Variants in ANAPC1 observed in about 807,000 individuals in gnomAD.
The protein encoded by ANAPC1 is anaphase-promoting complex subunit 1.
In ANAPC1, 36 loss-of-function variants were observed where a neutral mutation model predicts 208.0. The observed-to-expected ratio is 0.17, with a 90% confidence interval of 0.13 to 0.23. The LOEUF (loss-of-function observed/expected upper bound fraction) is 0.23. ANAPC1 is among the 10% of genes least tolerant of loss of function. ANAPC1 has a pLI of 1.00. For missense variants in ANAPC1, 942 were observed against 2,011.6 expected, an observed-to-expected ratio of 0.47 and a Z score of 10.17; for synonymous variants, 378 against 695.2, an observed-to-expected ratio of 0.54 and a Z score of 7.18.
At chr2:111,866,678 C>T (rs546297641) in intron 7 of ANAPC1, among the ~76,000 whole-genome samples, 111 of 148,936 alleles carry the variant, frequency 7.5e-4, no homozygotes, top group South Asian at 3.8e-3. Context: ...GAGCCGAGAT[C>T]GTGCCATTGC....
intron 13 of ANAPC1, 101 bp downstream of exon 13, chr2:111,856,513 A>C: frequency 8.5e-7 from 1 of 1,180,906 alleles, no homozygotes. Context: ...TGCAGACAGG[A>C]ACATAACAAA....
At chr2:111,869,177 C>G (rs1558739561) in intron 6 of ANAPC1, among the ~76,000 whole-genome samples, 1 of 152,176 alleles carries the variant, frequency 6.6e-6, no homozygotes, top group Non-Finnish European at 1.5e-5. Context: ...GAAACTATAG[C>G]TAAGAAAGCT....
chr2:111,852,533 G>C (rs1281873729), intron 13 of ANAPC1, among the ~76,000 whole-genome samples: 2 of 152,084 alleles, frequency 1.3e-5, no homozygotes, highest in Non-Finnish European at 2.9e-5. Context: ...TGAAAATTTT[G>C]AATGTCCCTC....
At chr2:111,878,682 T>C (rs1466000927) in intron 3 of ANAPC1, 128 bp downstream of exon 3, 7 of 1,313,792 alleles carry the variant, frequency 5.3e-6, no homozygotes, top group South Asian at 3.0e-5. Context: ...TATTATGTCA[T>C]GTTACAACGT....
chr2:111,857,106 G>T (rs1477202562), intron 11 of ANAPC1: 3 of 477,014 alleles, frequency 6.3e-6, no homozygotes, highest in East Asian at 7.4e-5. Flanking sequence ...ACGTAAGACA[G>T]ATAAAGATGT....
chr2:111,864,462 A>ATAT (rs1553434779), intron 8 of ANAPC1, among the ~76,000 whole-genome samples: 1 of 32,360 alleles, frequency 3.1e-5, no homozygotes, highest in Non-Finnish European at 9.4e-5. Context: ...ATATATATAT[A>ATAT]CTTTTTTTTT....
At chr2:111,859,213 TGG>T (rs1186606471) in intron 10 of ANAPC1, among the ~76,000 whole-genome samples, 1 of 152,186 alleles carries the variant, frequency 6.6e-6, no homozygotes, top group African/African-American at 2.4e-5. Flanking sequence ...CCGGGTGTGG[TGG>T]CTCACGCCTG....
chr2:111,784,116 A>G, intron 41 of ANAPC1, 152 bp from the exon 42 acceptor site: 1 of 865,638 alleles, frequency 1.2e-6, no homozygotes, highest in Non-Finnish European at 1.9e-6. Context: ...AAATGAATGT[A>G]AATCATGTTC....
intron 6 of ANAPC1, among the ~76,000 whole-genome samples, chr2:111,870,126 A>G (rs898954363): frequency 7.9e-5 from 12 of 152,244 alleles, no homozygotes; most frequent in African/African-American, 2.7e-4. Flanking sequence ...GTCAATGGGC[A>G]CTTAGGCTGC....
intron 20 of ANAPC1, among the ~76,000 whole-genome samples, chr2:111,832,596 G>C (rs1680208901): frequency 6.6e-6 from 1 of 152,112 alleles, no homozygotes; most frequent in African/African-American, 2.4e-5. Context: ...AGTAGCATAT[G>C]GTTAGTGGTA....
chr2:111,844,228 C>T (rs907873598), intron 16 of ANAPC1, among the ~76,000 whole-genome samples: 24 of 152,144 alleles, frequency 1.6e-4, no homozygotes, highest in African/African-American at 5.8e-4. Flanking sequence ...CAATTACTAA[C>T]TGCTCGCCTT....
chr2:111,867,894 T>C (rs1233674829), intron 7 of ANAPC1, 129 bp downstream of exon 7: 2 of 551,362 alleles, frequency 3.6e-6, no homozygotes, highest in Non-Finnish European at 3.1e-6. Flanking sequence ...AAAGTCAAAA[T>C]AGAAGTTATT....
At chr2:111,807,746 T>C (rs1387510393) in intron 29 of ANAPC1, among the ~76,000 whole-genome samples, 1 of 151,956 alleles carries the variant, frequency 6.6e-6, no homozygotes, top group Non-Finnish European at 1.5e-5. Context: ...AAAAGGCATA[T>C]ACATATGAAT....
At position 111,863,672 on chromosome 2, in the gene ANAPC1, T is replaced by C; in HGVS notation, c.1052+3A>G. The C allele has an allele frequency of 6.2e-7, 1 of 1,612,570 alleles. No individual in the cohort carries two copies. On this transcript the variant is annotated splice_donor_region_variant and intron_variant, in intron 9 of 47. Transcript: ENST00000341068. ...AGAAAGAAAAACCAGGAAACCCTTA[T>C]ACCTTAGAGCTGCCATGTTGGAAAT...
chr2:111,839,194 G>A (rs1477152902), intron 17 of ANAPC1, among the ~76,000 whole-genome samples: 1 of 152,190 alleles, frequency 6.6e-6, no homozygotes, highest in Non-Finnish European at 1.5e-5. Context: ...TTGAACCAAA[G>A]ATAAAAGATC....
chr2:111,857,583 C>T (rs1681803454), intron 11 of ANAPC1, among the ~76,000 whole-genome samples: 1 of 152,196 alleles, frequency 6.6e-6, no homozygotes, highest in Non-Finnish European at 1.5e-5. Context: ...TCATATTTTG[C>T]TGGTGGGAAT....
At chr2:111,844,692 A>G (rs935130225) in intron 16 of ANAPC1, among the ~76,000 whole-genome samples, 65 of 152,302 alleles carry the variant, frequency 4.3e-4, no homozygotes, top group Admixed American at 7.2e-4. Context: ...ACGAATAGCA[A>G]TGCTTAGCTA....
chr2:111,836,383 G>A (rs1375190941), intron 18 of ANAPC1, among the ~76,000 whole-genome samples: 2 of 151,460 alleles, frequency 1.3e-5, no homozygotes, highest in East Asian at 3.9e-4. Flanking sequence ...ATTCACACCT[G>A]TAATCGCAGC....
At chr2:111,835,828 C>T (rs1416053778) in intron 18 of ANAPC1, among the ~76,000 whole-genome samples, 2 of 151,748 alleles carry the variant, frequency 1.3e-5, no homozygotes, top group Non-Finnish European at 2.9e-5. Flanking sequence ...GGCAACAGAG[C>T]GAGACTCCAT....
Sources: allele counts gnomAD v4.1 joint callset (sites outside exome capture counted in the v4.1 genomes callset), GRCh38; gene constraint gnomAD v4.1.1; transcripts MANE v1.5; gene names NCBI Gene and HGNC (gene_info 2026-07-23, HGNC 2026-07-21).